The following CTNNA2 variants were observed in gnomAD, a reference collection of about 807,000 sequenced individuals.
The protein encoded by CTNNA2 is catenin alpha 2, also known as catenin alpha-2.
In CTNNA2, 42 loss-of-function variants were observed where a neutral mutation model predicts 101.0. That is an observed-to-expected ratio of 0.42 (90% confidence interval 0.32 to 0.54). The LOEUF (loss-of-function observed/expected upper bound fraction) is 0.54, where lower values mean the gene tolerates loss of function less well. Among genes scored for constraint, CTNNA2 ranks in the 20% least tolerant of loss-of-function variants. The pLI is 0.14. For missense variants in CTNNA2, 871 were observed against 1,223.1 expected (o/e 0.71, Z 4.29); for synonymous variants, 450 against 456.4 (o/e 0.99, Z 0.18).
At chr2:79,658,455 A>G (rs1005307170) in intron 2 of CTNNA2, among the ~76,000 whole-genome samples, 5 of 152,060 alleles carry the variant, frequency 3.3e-5, no homozygotes, top group Non-Finnish European at 7.4e-5. Context: ...TTAATAAAAC[A>G]TAGGTGTCAT....
intron 12 of CTNNA2, among the ~76,000 whole-genome samples, chr2:80,568,793 G>A (rs1694296466): frequency 6.6e-6 from 1 of 152,108 alleles, no homozygotes; most frequent in African/African-American, 2.4e-5. Flanking sequence ...GTTGCTGTGG[G>A]TCCATTTCAT....
chr2:79,718,734 T>G (rs536459635), intron 2 of CTNNA2, among the ~76,000 whole-genome samples: 1 of 152,232 alleles, frequency 6.6e-6, no homozygotes, highest in South Asian at 2.1e-4. Flanking sequence ...TGCTGATGTA[T>G]AGCAAAGATT....
intron 4 of CTNNA2, among the ~76,000 whole-genome samples, chr2:79,436,494 C>G (rs1678716087): frequency 7.6e-6 from 1 of 131,758 alleles, no homozygotes; most frequent in Admixed American, 7.8e-5. Flanking sequence ...TTTAAAAACA[C>G]TGATCCCACA....
At chr2:79,837,836 C>T (rs1679505669) in intron 3 of CTNNA2, among the ~76,000 whole-genome samples, 1 of 151,992 alleles carries the variant, frequency 6.6e-6, no homozygotes, top group East Asian at 1.9e-4. Context: ...GGGAAAATAA[C>T]ACAACTCCAA....
chr2:79,189,389 T>G (rs1019207592), intron 1 of CTNNA2, among the ~76,000 whole-genome samples: 9 of 152,200 alleles, frequency 5.9e-5, no homozygotes, highest in African/African-American at 2.2e-4. Flanking sequence ...TCTACTTCAT[T>G]GATGTCTGGT....
chr2:80,112,071 T>C (rs969965292), intron 7 of CTNNA2, among the ~76,000 whole-genome samples: 3 of 152,120 alleles, frequency 2.0e-5, no homozygotes, highest in African/African-American at 7.2e-5. Flanking sequence ...TTTAGTAAAC[T>C]GTTTATAACA....
At chr2:80,153,280 A>C (rs553531652) in intron 7 of CTNNA2, among the ~76,000 whole-genome samples, 1 of 152,190 alleles carries the variant, frequency 6.6e-6, no homozygotes, top group African/African-American at 2.4e-5. Context: ...TCCTGGGAGC[A>C]GCCTATGGTC....
intron 2 of CTNNA2, among the ~76,000 whole-genome samples, chr2:79,239,002 C>T (rs1342960003): frequency 6.6e-6 from 1 of 152,006 alleles, no homozygotes; most frequent in Non-Finnish European, 1.5e-5. Context: ...ACAGGATGTG[C>T]AGGTTTGTTA....
chr2:80,351,814 A>G (rs1453642872), intron 7 of CTNNA2, among the ~76,000 whole-genome samples: 1 of 152,072 alleles, frequency 6.6e-6, no homozygotes, highest in Non-Finnish European at 1.5e-5. Context: ...TCTTTTTTCC[A>G]TGATTCTCAC....
intron 3 of CTNNA2, among the ~76,000 whole-genome samples, chr2:79,762,493 T>A (rs1456069658): frequency 6.6e-6 from 1 of 152,148 alleles, no homozygotes; most frequent in Non-Finnish European, 1.5e-5. Context: ...GATTTTATGA[T>A]TTTTTATTAG....
intron 9 of CTNNA2, among the ~76,000 whole-genome samples, chr2:80,488,874 C>T (rs1686805944): frequency 6.6e-6 from 1 of 152,188 alleles, no homozygotes; most frequent in Non-Finnish European, 1.5e-5. Flanking sequence ...ATCCAATTCA[C>T]CATCACTCTC....
intron 15 of CTNNA2, among the ~76,000 whole-genome samples, chr2:80,595,836 T>C (rs1031311123): frequency 1.3e-5 from 2 of 152,220 alleles, no homozygotes; most frequent in Non-Finnish European, 2.9e-5. Context: ...AGGATCGTCT[T>C]GGCTATACAG....
intron 9 of CTNNA2, among the ~76,000 whole-genome samples, chr2:80,432,815 T>G (rs1681666086): frequency 6.6e-6 from 1 of 152,186 alleles, no homozygotes; most frequent in Non-Finnish European, 1.5e-5. Flanking sequence ...ACTTAATTTT[T>G]TTTTTGAAAA....
chr2:80,540,324 T>A (rs944101781), intron 9 of CTNNA2, among the ~76,000 whole-genome samples: 1 of 152,110 alleles, frequency 6.6e-6, no homozygotes, highest in Non-Finnish European at 1.5e-5. Context: ...CTGGCAGGTG[T>A]GGTGGCTCAT....
At chr2:79,893,419 G>A (rs531373736) in intron 6 of CTNNA2, among the ~76,000 whole-genome samples, 2 of 151,926 alleles carry the variant, frequency 1.3e-5, no homozygotes, top group Admixed American at 1.3e-4. Flanking sequence ...GAACTGCCTT[G>A]GTTACCTCTT....
intron 7 of CTNNA2, among the ~76,000 whole-genome samples, chr2:80,263,716 G>A (rs899042841): frequency 6.6e-6 from 1 of 152,152 alleles, no homozygotes; most frequent in African/African-American, 2.4e-5. Context: ...GTTCCTAACG[G>A]CTACCATATA....
At position 79,874,159 on chromosome 2, in the gene CTNNA2, C is replaced by T. The variant is rs189010355; in HGVS notation, c.669C>T (p.Ala223=). The change falls in exon 6 of 19, where the codon GCC becomes GCT. Residue 223 remains alanine (A), a synonymous_variant. Transcript: ENST00000402739. ...AGAATGCCACAATGCTGTACACGGC[C>T]TCTCAAGCATTTCTCCGCCACCCAG... ...LKKNATMLYT[A]SQAFLRHPDV... 1.7e-4 allele frequency: 276 copies of T among 1,614,210 alleles called. 2 individuals are homozygous for T. The African/African-American group carries it at 3.2e-3, about 19-fold the overall frequency.
chr2:80,630,463 C>A (rs1672163958), intron 18 of CTNNA2, among the ~76,000 whole-genome samples: 1 of 151,842 alleles, frequency 6.6e-6, no homozygotes, highest in African/African-American at 2.4e-5. Flanking sequence ...ATGGTAAAAC[C>A]CCGTCTCTAC....
At chr2:80,087,950 G>A (rs1241974215) in intron 7 of CTNNA2, among the ~76,000 whole-genome samples, 1 of 152,024 alleles carries the variant, frequency 6.6e-6, no homozygotes, top group Non-Finnish European at 1.5e-5. Context: ...TTAACAAGAA[G>A]GAATATGAAT....
Sources: allele counts gnomAD v4.1 joint callset (sites outside exome capture counted in the v4.1 genomes callset), GRCh38; gene constraint gnomAD v4.1.1; transcripts MANE v1.5; gene names NCBI Gene and HGNC (gene_info 2026-07-23, HGNC 2026-07-21).